TLN2: variants seen among roughly 807,000 people sequenced by gnomAD.
TLN2 encodes talin 2.
In TLN2, 118 loss-of-function variants were observed where a neutral mutation model predicts 294.7. That is an observed-to-expected ratio of 0.40 (90% CI 0.34 to 0.47). The LOEUF (loss-of-function observed/expected upper bound fraction) is 0.47, where lower values mean the gene tolerates loss of function less well. Among genes scored for constraint, TLN2 ranks in the 20% least tolerant of loss-of-function variants. TLN2 has a pLI of 0.84. For missense variants in TLN2, 3,083 were observed against 3,282.2 expected, an observed-to-expected ratio of 0.94 and a Z score of 1.48; for synonymous variants, 1,431 against 1,304.5, an observed-to-expected ratio of 1.10 and a Z score of -2.09.
At chr15:62,698,545 C>G (rs2058513228) in intron 15 of TLN2, among the ~76,000 whole-genome samples, 1 of 152,234 alleles carries the variant, frequency 6.6e-6, no homozygotes, top group African/African-American at 2.4e-5. Context: ...CCCTCCGTGG[C>G]AATCACCTTC....
At chr15:62,538,299 A>G (rs185816064) in intron 1 of TLN2, among the ~76,000 whole-genome samples, 1 of 152,274 alleles carries the variant, frequency 6.6e-6, no homozygotes, top group Admixed American at 6.5e-5. Flanking sequence ...TTCTTCCATC[A>G]AGAGCTCAAG....
intron 4 of TLN2, among the ~76,000 whole-genome samples, chr15:62,649,293 T>C (rs2052309750): frequency 6.6e-6 from 1 of 152,184 alleles, no homozygotes. Flanking sequence ...CTGTCGGATT[T>C]TTTTTTTGGT....
intron 3 of TLN2, among the ~76,000 whole-genome samples, chr15:62,619,907 C>A (rs1276641152): frequency 6.6e-6 from 1 of 152,142 alleles, no homozygotes. Context: ...ACAACCAGCC[C>A]AAAATGGCAG....
In TLN2 at chr15:62,623,736, A is replaced by G. The variant is rs77114543; in HGVS notation, c.-37+5261A>G. ...TATCAGGCAGTTTTCCACTTGATCC[A>G]GAACCTATTTCCCTTTGGTTTTACT... On this transcript the variant is annotated intron_variant, in intron 3 of 58. Coordinates refer to ENST00000636159, the MANE Select transcript of TLN2 (RefSeq NM_015059.3). Among the ~76,000 whole-genome samples the G allele has an allele frequency of 5.5e-3, 842 of 152,348 alleles. 6 individuals carry two copies. The highest frequency in any genetic ancestry group is 0.02 in the African/African-American group (820 of 41,584).
At chr15:62,589,651 A>G (rs559518075) in intron 1 of TLN2, 36 bp from the exon 2 acceptor site, 1 of 152,154 alleles carries the variant, frequency 6.6e-6, no homozygotes, top group Non-Finnish European at 1.5e-5. Flanking sequence ...TTTCAAAAAC[A>G]TTACTTGATT....
intron 50 of TLN2, among the ~76,000 whole-genome samples, chr15:62,803,823 G>A (rs1417308819): frequency 2.0e-5 from 3 of 152,164 alleles, no homozygotes; most frequent in African/African-American, 7.2e-5. Context: ...GTTCAGTGAG[G>A]TTATGTTTTC....
chr15:62,391,525 G>A (rs766497690), intron 1 of TLN2, among the ~76,000 whole-genome samples: 2 of 152,236 alleles, frequency 1.3e-5, no homozygotes, highest in Non-Finnish European at 2.9e-5. Context: ...TTTCGAGGGC[G>A]CCATATTTTC....
At chr15:62,542,673 C>T (rs1007102842) in intron 1 of TLN2, among the ~76,000 whole-genome samples, 1 of 152,018 alleles carries the variant, frequency 6.6e-6, no homozygotes, top group African/African-American at 2.4e-5. Flanking sequence ...GGGTGTGTTT[C>T]AGGTATGGTT....
chr15:62,608,418 G>T (rs968763531), intron 2 of TLN2, among the ~76,000 whole-genome samples: 10 of 152,204 alleles, frequency 6.6e-5, no homozygotes, highest in African/African-American at 2.2e-4. Context: ...GATGTGGAGA[G>T]TACACTGAAG....
chr15:62,693,578 G>A (rs1436432099), intron 13 of TLN2, among the ~76,000 whole-genome samples: 8 of 146,272 alleles, frequency 5.5e-5, no homozygotes. Context: ...GGATTGAGGG[G>A]CCAAAAATGA....
At chr15:62,498,974 A>C (rs969203814) in intron 1 of TLN2, among the ~76,000 whole-genome samples, 2 of 152,176 alleles carry the variant, frequency 1.3e-5, no homozygotes, top group African/African-American at 2.4e-5. Context: ...TGACTTAATG[A>C]CTAGTGAAAG....
chr15:62,563,302 A>G (rs1321245864), intron 1 of TLN2, among the ~76,000 whole-genome samples: 1 of 152,038 alleles, frequency 6.6e-6, no homozygotes, highest in Admixed American at 6.6e-5. Context: ...GCAGGAGTAA[A>G]GTGGTATTGC....
At chr15:62,461,121 G>A (rs369698639) in intron 1 of TLN2, among the ~76,000 whole-genome samples, 2 of 151,914 alleles carry the variant, frequency 1.3e-5, no homozygotes, top group East Asian at 3.9e-4. Flanking sequence ...GCTAATTTTT[G>A]TATTTTTTAG....
At position 62,675,301 on chromosome 15, in the gene TLN2, G is replaced by T. The variant is rs750791867; in HGVS notation, c.937G>T (p.Val313Leu). ...KLARSLRTYG[V>L]SFFLVKEKMK... ...CGCACGGTCCCTCCGCACATATGGC[G>T]TGTCCTTCTTCCTGGTGAAGGTGAG... The change falls in exon 11 of 59, where the codon GTG (valine) becomes TTG (leucine). Residue 313 changes from valine (V) to leucine (L), a missense_variant. By Grantham distance (32) the Val-to-Leu change is conservative (BLOSUM62 1). Transcript: ENST00000636159. The T allele has an allele frequency of 6.2e-7, 1 of 1,614,212 alleles. No homozygotes were observed. The highest frequency in any genetic ancestry group is 8.5e-7 in the Non-Finnish European group (1 of 1,180,034).
At chr15:62,710,039 C>G (rs1023133809) in intron 21 of TLN2, among the ~76,000 whole-genome samples, 31 of 152,138 alleles carry the variant, frequency 2.0e-4, no homozygotes, top group Non-Finnish European at 8.8e-5. Flanking sequence ...CCAACCTGGA[C>G]TTTTTTCATG....
intron 3 of TLN2, among the ~76,000 whole-genome samples, chr15:62,626,491 G>A (rs961567361): frequency 6.6e-6 from 1 of 152,118 alleles, no homozygotes; most frequent in Non-Finnish European, 1.5e-5. Flanking sequence ...GCTCACTACC[G>A]CCCTTCATTA....
intron 49 of TLN2, 72 bp from the exon 50 acceptor site, chr15:62,800,581 C>T (rs1346124815): frequency 6.2e-7 from 1 of 1,609,216 alleles, no homozygotes; most frequent in Non-Finnish European, 8.5e-7. Flanking sequence ...AGCATGCGAT[C>T]CAGAAGTAAA....
At chr15:62,547,234 T>C (rs548843919) in intron 1 of TLN2, among the ~76,000 whole-genome samples, 1 of 152,362 alleles carries the variant, frequency 6.6e-6, no homozygotes, top group East Asian at 1.9e-4. Flanking sequence ...CATGTTCAGA[T>C]ACTGTTAATG....
At chr15:62,756,855 C>T (rs1375528887) in intron 37 of TLN2, among the ~76,000 whole-genome samples, 2 of 152,134 alleles carry the variant, frequency 1.3e-5, no homozygotes, top group African/African-American at 2.4e-5. Flanking sequence ...ATGGGGCTCG[C>T]ACCCCAGTCA....
Sources: allele counts gnomAD v4.1 joint callset (sites outside exome capture counted in the v4.1 genomes callset), GRCh38; gene constraint gnomAD v4.1.1; transcripts MANE v1.5; gene names NCBI Gene and HGNC (gene_info 2026-07-23, HGNC 2026-07-21).